Variants in ARHGEF9 observed in about 807,000 individuals in gnomAD.
The protein encoded by ARHGEF9 is rho guanine nucleotide exchange factor 9.
ARHGEF9 carries 2 observed loss-of-function variants against 41.3 expected under a neutral mutation model. The observed-to-expected ratio is 0.05, with a 90% confidence interval of 0.02 to 0.15. The LOEUF is 0.15. ARHGEF9 is among the 10% of genes least tolerant of loss of function. The pLI is 1.00. For synonymous variants in ARHGEF9, 160 were observed against 154.4 expected, an observed-to-expected ratio of 1.04 and a Z score of -0.27; for missense variants, 225 against 424.7, an observed-to-expected ratio of 0.53 and a Z score of 4.13.
At chrX:63,641,561 A>G (rs188661516) in intron 9 of ARHGEF9, 1 of 111,298 alleles carries the variant, frequency 9.0e-6, no homozygotes, top group African/African-American at 3.3e-5. Flanking sequence ...TAGCAGGGCT[A>G]TCTTCTGGTT....
intron 1 of ARHGEF9, among the ~76,000 whole-genome samples, chrX:63,727,948 A>G (rs1380848681): frequency 8.9e-6 from 1 of 112,025 alleles, no homozygotes; most frequent in East Asian, 2.8e-4. Flanking sequence ...CTTAACTTAT[A>G]AACTATTCTG....
intron 1 of ARHGEF9, among the ~76,000 whole-genome samples, chrX:63,758,535 C>T (rs1434795023): frequency 1.8e-5 from 2 of 112,586 alleles, no homozygotes; most frequent in Non-Finnish European, 3.8e-5. Flanking sequence ...TGATGTCCTT[C>T]GGCCTCTGTA....
At chrX:63,752,061 C>T (rs1440057321) in intron 1 of ARHGEF9, among the ~76,000 whole-genome samples, 1 of 111,325 alleles carries the variant, frequency 9.0e-6, no homozygotes, top group Non-Finnish European at 1.9e-5. Context: ...GTTTCCTTCC[C>T]AAATAACTAG....
At chrX:63,652,176 A>G (rs1203666092) in intron 8 of ARHGEF9, among the ~76,000 whole-genome samples, 1 of 111,930 alleles carries the variant, frequency 8.9e-6, no homozygotes, top group Non-Finnish European at 1.9e-5. Context: ...ACGTACATGG[A>G]TATTTATTGC....
chrX:63,695,737 T>G, intron 4 of ARHGEF9, among the ~76,000 whole-genome samples: 1 of 112,042 alleles, frequency 8.9e-6, no homozygotes, highest in Non-Finnish European at 1.9e-5. Context: ...AGTGGCTCAC[T>G]GTGTCCAGAC....
At position 63,635,292 on chromosome X, in the gene ARHGEF9, A is replaced by G. The variant is rs2047263211; in HGVS notation, c.*2736T>C. ...AAATATACACATAGAGAGGGGGGGA[A>G]AAAGAGAGAATAATTAGATGTCTGT... On this transcript the variant is annotated 3_prime_UTR_variant, in exon 10 of 10. Coordinates refer to ENST00000671741, the MANE Select transcript of ARHGEF9 (RefSeq NM_001353921.2). The G allele has an allele frequency of 1.9e-6, 1 of 518,497 alleles. No homozygotes were observed. The highest frequency in any genetic ancestry group is 3.7e-5 in the East Asian group (1 of 27,265). 42.7% of individuals were successfully genotyped at this position (518,497 alleles called of 1,213,427 possible).
At chrX:63,776,761 A>T (rs2056299382) in intron 1 of ARHGEF9, among the ~76,000 whole-genome samples, 1 of 111,819 alleles carries the variant, frequency 8.9e-6, no homozygotes. Flanking sequence ...TAGGAGAATT[A>T]AAAAAGAAGG....
At chrX:63,775,999 T>TC (rs1307510912) in intron 1 of ARHGEF9, among the ~76,000 whole-genome samples, 1 of 110,944 alleles carries the variant, frequency 9.0e-6, no homozygotes, top group African/African-American at 3.3e-5. Context: ...TGTCTTTATT[T>TC]CCCCCCTACT....
chrX:63,752,602 C>T (rs1370773917), intron 1 of ARHGEF9, among the ~76,000 whole-genome samples: 8 of 111,541 alleles, frequency 7.2e-5, no homozygotes, highest in African/African-American at 2.6e-4. Flanking sequence ...TTAATAAGAA[C>T]CAATGCCAGC....
intron 1 of ARHGEF9, among the ~76,000 whole-genome samples, chrX:63,783,094 C>A (rs1182476479): frequency 1.8e-5 from 2 of 111,717 alleles, no homozygotes; most frequent in East Asian, 2.8e-4. Context: ...TGTCTGCCAC[C>A]CTTTTCTCTC....
At chrX:63,645,074 G>A (rs1394412480) in intron 8 of ARHGEF9, among the ~76,000 whole-genome samples, 1 of 110,563 alleles carries the variant, frequency 9.0e-6, no homozygotes, top group Non-Finnish European at 1.9e-5. Flanking sequence ...TGTACCCAGT[G>A]TAATAGTCTT....
intron 1 of ARHGEF9, among the ~76,000 whole-genome samples, chrX:63,772,153 A>G (rs1429069502): frequency 2.7e-5 from 3 of 112,427 alleles, no homozygotes; most frequent in Non-Finnish European, 5.6e-5. Flanking sequence ...ACTCAAAATT[A>G]CACAGCTGGT....
chrX:63,677,437 A>C (rs2050325487), intron 5 of ARHGEF9, among the ~76,000 whole-genome samples: 1 of 111,859 alleles, frequency 8.9e-6, no homozygotes, highest in Admixed American at 9.4e-5. Flanking sequence ...CTATCTTACT[A>C]AGCTTCCAAG....
At chrX:63,732,592 CAAGAA>C (rs2054372567) in intron 1 of ARHGEF9, among the ~76,000 whole-genome samples, 2 of 111,417 alleles carry the variant, frequency 1.8e-5, no homozygotes, top group Non-Finnish European at 3.8e-5. Flanking sequence ...TCCTCAAGCT[CAAGAA>C]GCTTCAGTAA....
intron 2 of ARHGEF9, among the ~76,000 whole-genome samples, chrX:63,719,074 T>C (rs1293864670): frequency 8.9e-6 from 1 of 112,342 alleles, no homozygotes; most frequent in Non-Finnish European, 1.9e-5. Context: ...AGATGGATTA[T>C]GTGAATGCAA....
intron 2 of ARHGEF9, among the ~76,000 whole-genome samples, chrX:63,716,953 G>A (rs2053343773): frequency 1.8e-5 from 2 of 112,179 alleles, no homozygotes; most frequent in Admixed American, 1.9e-4. Flanking sequence ...TTAAATGTAC[G>A]CTTAACAGTA....
intron 1 of ARHGEF9, chrX:63,754,876 G>T (rs1440474852): frequency 1.1e-6 from 1 of 939,447 alleles, no homozygotes; most frequent in African/African-American, 2.0e-5. Flanking sequence ...CGGGCGCCAC[G>T]GGAAAGGCAA....
chrX:63,742,852 C>T (rs2055042618), intron 1 of ARHGEF9, among the ~76,000 whole-genome samples: 1 of 112,298 alleles, frequency 8.9e-6, no homozygotes, highest in Non-Finnish European at 1.9e-5. Context: ...AGTAGATGCA[C>T]CAAAATACCA....
In ARHGEF9 at chrX:63,699,804, A is replaced by C. The variant is rs782633534; in HGVS notation, c.403-2500T>G. Among the ~76,000 whole-genome samples, 27 of 112,254 alleles carry C rather than the reference A, an allele frequency of 2.4e-4. No homozygotes were observed. The East Asian group carries it at 7.0e-3, about 29-fold the overall frequency. ...TGATAATTAGGAAGACCATGTAGAAACATGGAAAATTGTTTATGATACAAT... is the reference window on the plus strand; with the variant it reads ...TGATAATTAGGAAGACCATGTAGAACCATGGAAAATTGTTTATGATACAAT... On this transcript the variant is annotated intron_variant, in intron 3 of 9. Coordinates refer to ENST00000671741, the MANE Select transcript of ARHGEF9 (RefSeq NM_001353921.2).
Sources: allele counts gnomAD v4.1 joint callset (sites outside exome capture counted in the v4.1 genomes callset), GRCh38; gene constraint gnomAD v4.1.1; transcripts MANE v1.5; gene names NCBI Gene and HGNC (gene_info 2026-07-23, HGNC 2026-07-21).